The following AGBL1 variants were observed in gnomAD, a reference collection of about 807,000 sequenced individuals.
The protein encoded by AGBL1 is cytosolic carboxypeptidase 4.
In AGBL1, 130 loss-of-function variants were observed where a neutral mutation model predicts 118.9. That is an observed-to-expected ratio of 1.09 (90% confidence interval 0.95 to 1.26). AGBL1 has a LOEUF of 1.26. AGBL1 is among the 50% of genes most tolerant of loss of function. AGBL1 has a pLI of 0.00. For synonymous variants in AGBL1, 555 were observed against 478.9 expected (o/e 1.16, Z -2.08); for missense variants, 1,584 against 1,298.1 (o/e 1.22, Z -3.38).
At chr15:86,472,139 C>A (rs748238515) in intron 18 of AGBL1, among the ~76,000 whole-genome samples, 10 of 152,120 alleles carry the variant, frequency 6.6e-5, no homozygotes, top group Non-Finnish European at 1.2e-4. Context: ...ATTGCTGACA[C>A]CTTGATTTCA....
chr15:86,590,162 A>G (rs948974181), intron 21 of AGBL1, among the ~76,000 whole-genome samples: 12 of 152,330 alleles, frequency 7.9e-5, no homozygotes, highest in African/African-American at 2.9e-4. Flanking sequence ...ACAATGGCCA[A>G]AAATAGGTTG....
At chr15:86,931,894 G>C (rs988241927) in intron 23 of AGBL1, among the ~76,000 whole-genome samples, 9 of 152,094 alleles carry the variant, frequency 5.9e-5, no homozygotes, top group African/African-American at 2.2e-4. Flanking sequence ...GAATGGTTTA[G>C]GGGAAGACAT....
At chr15:86,595,755 G>GT (rs199560629) in intron 21 of AGBL1, among the ~76,000 whole-genome samples, 1,547 of 152,232 alleles carry the variant, frequency 0.01, 11 homozygotes, top group Middle Eastern at 0.017. Context: ...ATAGATATGA[G>GT]TTTTTTACTC....
At chr15:86,816,594 T>G (rs1309572265) in intron 22 of AGBL1, among the ~76,000 whole-genome samples, 1 of 151,914 alleles carries the variant, frequency 6.6e-6, no homozygotes, top group African/African-American at 2.4e-5. Flanking sequence ...CATTTCAGGA[T>G]GAGAAAAAAT....
intron 1 of AGBL1, among the ~76,000 whole-genome samples, chr15:86,085,173 G>A (rs971633795): frequency 1.3e-5 from 2 of 152,264 alleles, no homozygotes; most frequent in African/African-American, 4.8e-5. Flanking sequence ...AAAATTTTAT[G>A]GAAGTTGGGG....
chr15:86,779,489 C>T (rs1158168819), intron 22 of AGBL1, among the ~76,000 whole-genome samples: 2 of 152,040 alleles, frequency 1.3e-5, no homozygotes, highest in East Asian at 3.9e-4. Context: ...TAGTGGGGGA[C>T]CATTATAAAT....
intron 3 of AGBL1, among the ~76,000 whole-genome samples, chr15:86,153,011 A>T (rs1398937013): frequency 1.3e-5 from 2 of 152,228 alleles, no homozygotes; most frequent in African/African-American, 4.8e-5. Context: ...TCAGGAAACA[A>T]CAGATGCTGG....
chr15:86,803,140 T>G (rs1330834098), intron 22 of AGBL1, among the ~76,000 whole-genome samples: 1 of 152,150 alleles, frequency 6.6e-6, no homozygotes, highest in African/African-American at 2.4e-5. Flanking sequence ...CTGACATGTT[T>G]TGGCTCTGTG....
intron 17 of AGBL1, among the ~76,000 whole-genome samples, chr15:86,328,904 G>A (rs1048800028): frequency 2.0e-5 from 3 of 152,210 alleles, no homozygotes; most frequent in African/African-American, 7.2e-5. Flanking sequence ...TATAAAGTCA[G>A]TCATTCTTTG....
At chr15:87,012,904 C>CTAAG (rs1250407168) in intron 24 of AGBL1, among the ~76,000 whole-genome samples, 2 of 152,114 alleles carry the variant, frequency 1.3e-5, no homozygotes, top group African/African-American at 4.8e-5. Flanking sequence ...CTTTGATGCT[C>CTAAG]TAAGTTTCTG....
At chr15:86,735,836 C>T (rs992184606) in intron 22 of AGBL1, among the ~76,000 whole-genome samples, 1 of 152,056 alleles carries the variant, frequency 6.6e-6, no homozygotes, top group Non-Finnish European at 1.5e-5. Context: ...GCTCTGTAAA[C>T]AGTAGCAGGG....
intron 21 of AGBL1, among the ~76,000 whole-genome samples, chr15:86,660,951 T>C (rs2085528112): frequency 6.6e-6 from 1 of 152,184 alleles, no homozygotes; most frequent in South Asian, 2.1e-4. Context: ...TGCTCAGAAC[T>C]TGAATGCCTA....
intron 23 of AGBL1, among the ~76,000 whole-genome samples, chr15:86,969,190 G>A (rs192967560): frequency 6.6e-6 from 1 of 152,008 alleles, no homozygotes; most frequent in East Asian, 1.9e-4. Flanking sequence ...ATCAGGTGTG[G>A]GTGAGACTCA....
At chr15:86,749,417 C>A in intron 22 of AGBL1, among the ~76,000 whole-genome samples, 1 of 152,026 alleles carries the variant, frequency 6.6e-6, no homozygotes, top group Non-Finnish European at 1.5e-5. Flanking sequence ...TGGGCTGAGA[C>A]AATGGGGTTT....
At chr15:87,002,579 T>G (rs919311763) in intron 24 of AGBL1, among the ~76,000 whole-genome samples, 1 of 151,872 alleles carries the variant, frequency 6.6e-6, no homozygotes, top group African/African-American at 2.4e-5. Flanking sequence ...AGTATGGCCA[T>G]TTTCACGATA....
At chr15:86,774,024 T>C (rs999894224) in intron 22 of AGBL1, among the ~76,000 whole-genome samples, 3 of 152,036 alleles carry the variant, frequency 2.0e-5, no homozygotes, top group East Asian at 1.9e-4. Context: ...TCAGAAGTAT[T>C]TGTCTATTAA....
At chr15:86,366,777 G>T (rs1401883646) in intron 17 of AGBL1, among the ~76,000 whole-genome samples, 1 of 152,170 alleles carries the variant, frequency 6.6e-6, no homozygotes, top group African/African-American at 2.4e-5. Context: ...TGCAGTCTCA[G>T]CTCTGTCGAA....
chr15:86,589,288 G>T (rs1032964808), intron 21 of AGBL1, among the ~76,000 whole-genome samples: 1 of 152,136 alleles, frequency 6.6e-6, no homozygotes, highest in Non-Finnish European at 1.5e-5. Flanking sequence ...TACTGCAGAA[G>T]AGTGCAGTGG....
chr15:86,196,349 T>C (rs558507842), intron 5 of AGBL1, among the ~76,000 whole-genome samples: 6 of 152,200 alleles, frequency 3.9e-5, no homozygotes, highest in African/African-American at 1.4e-4. Flanking sequence ...TACCTAGTGG[T>C]AGAGGGAGTG....
Sources: allele counts gnomAD v4.1 joint callset (sites outside exome capture counted in the v4.1 genomes callset), GRCh38; gene constraint gnomAD v4.1.1; transcripts MANE v1.5; gene names NCBI Gene and HGNC (gene_info 2026-07-23, HGNC 2026-07-21).